The following SLC35F3 variants were observed in gnomAD, a reference collection of about 807,000 sequenced individuals.
SLC35F3 encodes putative thiamine transporter SLC35F3.
Under a neutral mutation model 49.9 loss-of-function variants are expected in SLC35F3, and 25 were observed. The ratio of observed to expected loss-of-function variants is 0.50; its 90% CI spans 0.37 to 0.70. The LOEUF is 0.70. SLC35F3 is among the 30% of genes least tolerant of loss of function. The pLI, the probability that SLC35F3 is intolerant of heterozygous loss-of-function variation, is 0.00. For synonymous variants in SLC35F3, 275 were observed against 265.4 expected, an observed-to-expected ratio of 1.04 and a Z score of -0.35; for missense variants, 525 against 639.8, an observed-to-expected ratio of 0.82 and a Z score of 1.94.
At chr1:234,077,044 CCGGACTG>C (rs1263484452) in intron 2 of SLC35F3, among the ~76,000 whole-genome samples, 2 of 147,190 alleles carry the variant, frequency 1.4e-5, no homozygotes, top group African/African-American at 5.1e-5. Flanking sequence ...GTCGCCCAGG[CCGGACTG>C]CGGACTGCAG....
At chr1:234,135,391 G>C (rs369379010) in intron 2 of SLC35F3, among the ~76,000 whole-genome samples, 3 of 152,100 alleles carry the variant, frequency 2.0e-5, no homozygotes, top group East Asian at 3.8e-4. Context: ...TAAAAAGAAT[G>C]GATGAATGGA....
chr1:234,116,251 T>C (rs945807921), intron 2 of SLC35F3, among the ~76,000 whole-genome samples: 2 of 152,188 alleles, frequency 1.3e-5, no homozygotes. Context: ...ATTTATGAGC[T>C]CTGTGTCAGG....
At chr1:234,060,809 T>C (rs2102862525) in intron 2 of SLC35F3, among the ~76,000 whole-genome samples, 1 of 152,308 alleles carries the variant, frequency 6.6e-6, no homozygotes, top group South Asian at 2.1e-4. Context: ...TTTCTCTCCA[T>C]TTCTTCCTGT....
chr1:233,915,047 C>T (rs1235916716), intron 2 of SLC35F3, among the ~76,000 whole-genome samples: 1 of 152,222 alleles, frequency 6.6e-6, no homozygotes, highest in African/African-American at 2.4e-5. Flanking sequence ...TTAAAGGCTA[C>T]AGGCTGTTTT....
At chr1:234,144,834 A>C (rs928480779) in intron 2 of SLC35F3, among the ~76,000 whole-genome samples, 1 of 152,210 alleles carries the variant, frequency 6.6e-6, no homozygotes, top group Admixed American at 6.5e-5. Flanking sequence ...AGGGGTGTCC[A>C]ATAGACAGTA....
chr1:234,099,248 G>A (rs1007279546), intron 2 of SLC35F3, among the ~76,000 whole-genome samples: 9 of 152,114 alleles, frequency 5.9e-5, no homozygotes, highest in Non-Finnish European at 7.4e-5. Context: ...GAGCAACAAA[G>A]TGCAATAGAA....
In SLC35F3 at chr1:234,231,777, C is replaced by T. The variant is rs967255443; in HGVS notation, c.608+36C>T. The T allele has an allele frequency of 2.6e-6, 4 of 1,559,336 alleles. No individual in the cohort carries two copies. Among genetic ancestry groups the T allele is most frequent in the South Asian group, 1.2e-5 (1 of 82,016 alleles). On this transcript the variant is annotated intron_variant, in intron 3 of 7. Transcript: ENST00000366618. The surrounding 1 kb of genome is among the most constrained non-coding windows in gnomAD (Gnocchi z 5.4). ...CCTGCATGAGGAGGCCTCCTGACCC[C>T]GGGCTGCTCCATCCAGCGCTGACTC...
At chr1:234,052,092 T>C (rs1353630585) in intron 2 of SLC35F3, among the ~76,000 whole-genome samples, 1 of 152,236 alleles carries the variant, frequency 6.6e-6, no homozygotes, top group Non-Finnish European at 1.5e-5. Flanking sequence ...GATATTGGTC[T>C]AAAATTATCT....
At chr1:234,147,201 G>A (rs1490121559) in intron 2 of SLC35F3, among the ~76,000 whole-genome samples, 3 of 149,556 alleles carry the variant, frequency 2.0e-5, no homozygotes, top group East Asian at 3.9e-4. Flanking sequence ...TTAATTCTGG[G>A]AAATTACATA....
intron 3 of SLC35F3, among the ~76,000 whole-genome samples, chr1:234,274,971 C>A (rs1214864880): frequency 6.6e-6 from 1 of 152,132 alleles, no homozygotes; most frequent in African/African-American, 2.4e-5. Flanking sequence ...TCTTCATATA[C>A]CACATTCCCA....
chr1:233,965,959 C>CG (rs1662899074), intron 2 of SLC35F3, among the ~76,000 whole-genome samples: 5 of 152,158 alleles, frequency 3.3e-5, no homozygotes, highest in Admixed American at 3.3e-4. Context: ...CAGCAGTTCT[C>CG]TAAGTGACTT....
chr1:234,004,356 T>TG (rs1450459884), intron 2 of SLC35F3, among the ~76,000 whole-genome samples: 1 of 152,182 alleles, frequency 6.6e-6, no homozygotes, highest in Non-Finnish European at 1.5e-5. Flanking sequence ...GAAATATTTC[T>TG]CAGTTAAAAG....
At chr1:234,282,546 A>C (rs1426290242) in intron 3 of SLC35F3, among the ~76,000 whole-genome samples, 1 of 152,218 alleles carries the variant, frequency 6.6e-6, no homozygotes, top group Non-Finnish European at 1.5e-5. Flanking sequence ...CCCATGTGGG[A>C]GATGCCCCAG....
At chr1:234,108,912 T>C (rs1665364055) in intron 2 of SLC35F3, among the ~76,000 whole-genome samples, 1 of 151,398 alleles carries the variant, frequency 6.6e-6, no homozygotes, top group Non-Finnish European at 1.5e-5. Context: ...ACCAGATGTC[T>C]GGACACAGTC....
At chr1:234,274,887 T>C (rs930765217) in intron 3 of SLC35F3, among the ~76,000 whole-genome samples, 2 of 152,242 alleles carry the variant, frequency 1.3e-5, no homozygotes, top group African/African-American at 4.8e-5. Context: ...AAAAATGCCA[T>C]GCAGAATACT....
chr1:233,953,331 A>G (rs1474768439), intron 2 of SLC35F3, among the ~76,000 whole-genome samples: 1 of 152,244 alleles, frequency 6.6e-6, no homozygotes, highest in Non-Finnish European at 1.5e-5. Context: ...TAAATGAGAC[A>G]TAATAAACGG....
chr1:234,032,775 A>G (rs1219586960), intron 2 of SLC35F3, among the ~76,000 whole-genome samples: 1 of 152,178 alleles, frequency 6.6e-6, no homozygotes, highest in South Asian at 2.1e-4. Context: ...TCATTGATTC[A>G]TGGGCATTTG....
intron 2 of SLC35F3, among the ~76,000 whole-genome samples, chr1:233,965,779 TG>T (rs1191214220): frequency 6.6e-6 from 1 of 152,230 alleles, no homozygotes; most frequent in Non-Finnish European, 1.5e-5. Flanking sequence ...AGTAAAGTTG[TG>T]TCCAGATTCC....
intron 2 of SLC35F3, among the ~76,000 whole-genome samples, chr1:234,062,844 A>ATT (rs71170448): frequency 2.0e-3 from 262 of 132,482 alleles, no homozygotes; most frequent in African/African-American, 1.9e-3. Context: ...CGCCTGGCTA[A>ATT]TTTTTTTTTT....
Sources: gnomAD v4.1 joint callset for allele counts (sites outside exome capture counted in the v4.1 genomes callset) on GRCh38, gnomAD v4.1.1 for gene constraint, Gnocchi (gnomAD v3.1) non-coding constraint, MANE v1.5 for transcripts, NCBI Gene and HGNC (gene_info 2026-07-23, HGNC 2026-07-21) for gene names.